CFHR5: variants seen among roughly 807,000 people sequenced by gnomAD.
The protein encoded by CFHR5 is complement factor H-related protein 5.
A neutral mutation model predicts 62.9 loss-of-function variants in CFHR5; 73 were observed. The observed-to-expected ratio is 1.16, with a 90% CI of 0.96 to 1.41. The LOEUF (loss-of-function observed/expected upper bound fraction) is 1.41, where lower values mean the gene tolerates loss of function less well. CFHR5 is among the 40% of genes most tolerant of loss of function. The pLI, the probability that CFHR5 is intolerant of heterozygous loss-of-function variation, is 0.00. For synonymous variants in CFHR5, 249 were observed against 227.2 expected (o/e 1.10, Z -0.86); for missense variants, 779 against 679.9 (o/e 1.15, Z -1.62).
intron 3 of CFHR5, among the ~76,000 whole-genome samples, chr1:196,987,188 T>C (rs1653708015): frequency 6.6e-6 from 1 of 152,200 alleles, no homozygotes; most frequent in African/African-American, 2.4e-5. Flanking sequence ...TGTCTGTTCA[T>C]ATCCTTTGCC....
intron 9 of CFHR5, among the ~76,000 whole-genome samples, chr1:197,007,886 G>A (rs1292284690): frequency 6.8e-6 from 1 of 146,114 alleles, no homozygotes; most frequent in African/African-American, 2.5e-5. Flanking sequence ...GATATAAATT[G>A]TATGTAACAT....
intron 3 of CFHR5, among the ~76,000 whole-genome samples, chr1:196,992,164 G>A (rs1016416658): frequency 3.9e-5 from 6 of 152,318 alleles, no homozygotes; most frequent in Admixed American, 3.9e-4. Flanking sequence ...CTAGCAGTGA[G>A]CAAGGCTCTG....
Position 196,982,986 on chromosome 1 carries a change from T to A in CFHR5, c.160T>A (p.Ser54Thr). 1 of 1,614,126 alleles carries A rather than the reference T, an allele frequency of 6.2e-7. No homozygotes were observed. The highest frequency in any genetic ancestry group is 1.1e-5 in the South Asian group (1 of 91,044). ...QVPTGEVFYY[S>T]CEYNFVSPSK... is the part of the protein sequence containing the mutation. The stretch of plus-strand genomic sequence containing the variant: ...TCCTACAGGGGAAGTTTTCTATTAC[T>A]CCTGTGAATATAATTTTGTGTCTCC... Residue 54 changes from serine to threonine, a missense_variant, in exon 2 of 10, where the codon TCC (serine) becomes ACC (threonine). Physicochemically the swap from Ser to Thr is moderately conservative, Grantham distance 58 (BLOSUM62 1). Coordinates refer to ENST00000256785, the MANE Select transcript of CFHR5 (RefSeq NM_030787.4).
At chr1:196,995,597 T>C (rs1571522079) in intron 4 of CFHR5, 120 bp from the exon 5 acceptor site, 2 of 798,364 alleles carry the variant, frequency 2.5e-6, no homozygotes, top group East Asian at 2.6e-5. Context: ...AAAACACATG[T>C]CCCCAAAAAT....
intron 3 of CFHR5, 135 bp downstream of exon 3, chr1:196,984,272 G>A (rs182340528): frequency 2.6e-6 from 2 of 778,250 alleles, no homozygotes; most frequent in Admixed American, 2.2e-5. Context: ...GGTTCCAATT[G>A]TGTCTAAGTA....
chr1:196,977,844 C>G, intron 1 of CFHR5, 122 bp downstream of exon 1: 2 of 777,646 alleles, frequency 2.6e-6, no homozygotes, highest in African/African-American at 3.4e-5. Flanking sequence ...GAAGGGGTAT[C>G]ACAATATTCA....
At chr1:197,002,403 T>A in intron 7 of CFHR5, 79 bp from the exon 8 acceptor site, 2 of 1,033,306 alleles carry the variant, frequency 1.9e-6, no homozygotes, top group Non-Finnish European at 3.0e-6. Context: ...GAATCTTCCA[T>A]TTTCCTGAAA....
intron 1 of CFHR5, among the ~76,000 whole-genome samples, chr1:196,978,221 A>T (rs2125024275): frequency 6.6e-6 from 1 of 152,290 alleles, no homozygotes; most frequent in Middle Eastern, 3.4e-3. Context: ...GAAACAATAG[A>T]AAATATTATT....
At chr1:196,991,764 C>T (rs1653852644) in intron 3 of CFHR5, among the ~76,000 whole-genome samples, 1 of 152,152 alleles carries the variant, frequency 6.6e-6, no homozygotes, top group Non-Finnish European at 1.5e-5. Context: ...GAAGCTTCAT[C>T]CCAGCGGGGC....
Position 196,996,173 on chromosome 1 carries a change from A to T in CFHR5, c.942A>T (p.Gly314=), listed in dbSNP as rs759587394. The T allele has an allele frequency of 2.5e-6, 4 of 1,612,766 alleles. No individual in the cohort carries two copies. Among genetic ancestry groups the T allele is most frequent in the East Asian group, 4.5e-5 (2 of 44,844 alleles). Residue 314 remains glycine, a synonymous_variant, in exon 6 of 10, where the codon GGA becomes GGT. Transcript: ENST00000256785. Reference sequence around the variant, plus strand: ...ATAACATGATTACCTGTATTAATGGAATATGGACAGAGCTTCCTATGTGTG... The same window carrying T: ...ATAACATGATTACCTGTATTAATGGTATATGGACAGAGCTTCCTATGTGTG... The part of the protein sequence containing the change: ...IGNNMITCIN[G]IWTELPMCVA...
intron 6 of CFHR5, among the ~76,000 whole-genome samples, chr1:196,996,627 C>A (rs146188017): frequency 2.6e-4 from 39 of 152,168 alleles, no homozygotes; most frequent in African/African-American, 9.4e-4. Context: ...TATTTCATTG[C>A]TTTAACTTAG....
At position 196,994,126 on chromosome 1, in the gene CFHR5, G is replaced by A; in HGVS notation, c.477G>A (p.Gln159=). ...TTTTAGAAGCCAATGTAGATGCTCA[G>A]CCAAAAAAAGAAAGCTACAAAGTTG... ...VPILEANVDA[Q]PKKESYKVGD... Residue 159 remains glutamine (Q), a synonymous_variant, in exon 4 of 10, where the codon CAG becomes CAA. Coordinates refer to ENST00000256785, the MANE Select transcript of CFHR5 (RefSeq NM_030787.4). 2 of 1,613,054 alleles carry A rather than the reference G, an allele frequency of 1.2e-6. No homozygotes were observed. The highest frequency in any genetic ancestry group is 1.7e-6 in the Non-Finnish European group (2 of 1,179,420).
intron 1 of CFHR5, among the ~76,000 whole-genome samples, chr1:196,979,194 T>C (rs938004113): frequency 9.2e-5 from 14 of 151,832 alleles, no homozygotes; most frequent in African/African-American, 3.4e-4. Context: ...TAGAGTGTCC[T>C]AAAAGAAAAG....
intron 3 of CFHR5, among the ~76,000 whole-genome samples, chr1:196,990,418 G>T (rs1653813340): frequency 6.6e-6 from 1 of 152,096 alleles, no homozygotes; most frequent in African/African-American, 2.4e-5. Context: ...TTATTGTGAT[G>T]TTAGCTAGTT....
intron 3 of CFHR5, among the ~76,000 whole-genome samples, chr1:196,989,174 T>G (rs779701884): frequency 6.6e-6 from 1 of 152,182 alleles, no homozygotes; most frequent in Non-Finnish European, 1.5e-5. Flanking sequence ...TTTATAGTAT[T>G]CTCTGATGGT....
chr1:196,982,399 T>C (rs1297315110), intron 1 of CFHR5, among the ~76,000 whole-genome samples: 1 of 152,198 alleles, frequency 6.6e-6, no homozygotes, highest in East Asian at 1.9e-4. Context: ...CGGTCCGGCA[T>C]GGTGGTTCAT....
chr1:196,975,577 T>C (rs1196749423), upstream of CFHR5, among the ~76,000 whole-genome samples: 1 of 152,148 alleles, frequency 6.6e-6, no homozygotes, highest in Non-Finnish European at 1.5e-5. Flanking sequence ...AAAGGATGCG[T>C]GTGAACAGCA....
chr1:196,999,683 G>GTATATATATA (rs35191504), intron 7 of CFHR5, among the ~76,000 whole-genome samples: 95 of 110,478 alleles, frequency 8.6e-4, no homozygotes, highest in African/African-American at 1.6e-3. Context: ...TTGGGAAAAA[G>GTATATATATA]TATATATATA....
intron 7 of CFHR5, among the ~76,000 whole-genome samples, chr1:196,999,683 GTATATATATATATA>G (rs35191504): frequency 0.19 from 20,889 of 110,522 alleles, 2,225 homozygotes; most frequent in Middle Eastern, 0.31. Flanking sequence ...TTGGGAAAAA[GTATATATATATATA>G]TATATATATA....
Sources: gnomAD v4.1 joint callset for allele counts (sites outside exome capture counted in the v4.1 genomes callset) on GRCh38, gnomAD v4.1.1 for gene constraint, MANE v1.5 for transcripts, NCBI Gene and HGNC (gene_info 2026-07-23, HGNC 2026-07-21) for gene names.